Variants in RUNDC3B observed in about 807,000 individuals in gnomAD.
The protein encoded by RUNDC3B is RUN domain containing 3B.
A neutral mutation model predicts 58.4 loss-of-function variants in RUNDC3B; 33 were observed. The observed-to-expected ratio is 0.56, with a 90% CI of 0.43 to 0.75. RUNDC3B has a LOEUF of 0.75. Among genes scored for constraint, RUNDC3B ranks in the 30% least tolerant of loss-of-function variants. The probability of loss-of-function intolerance (pLI) is 0.00; values close to 1 mark genes in which losing one functional copy is unlikely to be tolerated. For synonymous variants in RUNDC3B, 193 were observed against 195.2 expected (o/e 0.99, Z 0.10); for missense variants, 501 against 535.7 (o/e 0.94, Z 0.64).
At chr7:87,693,070 A>G (rs17250255) in intron 2 of RUNDC3B, among the ~76,000 whole-genome samples, 4,789 of 152,212 alleles carry the variant, frequency 0.031, 73 homozygotes, top group Middle Eastern at 0.048. Flanking sequence ...ACCATGTACT[A>G]TTGGAGATTT....
chr7:87,653,756 A>G (rs573441365), intron 2 of RUNDC3B, among the ~76,000 whole-genome samples: 1 of 151,838 alleles, frequency 6.6e-6, no homozygotes, highest in South Asian at 2.1e-4. Context: ...CAGGTAAGGT[A>G]TTGCTAGTTT....
At chr7:87,701,636 C>T (rs1299985209) in intron 3 of RUNDC3B, among the ~76,000 whole-genome samples, 1 of 152,130 alleles carries the variant, frequency 6.6e-6, no homozygotes, top group Non-Finnish European at 1.5e-5. Flanking sequence ...ATTACAGAAA[C>T]TTACCATTTA....
chr7:87,778,029 A>G (rs1248929005), intron 8 of RUNDC3B, 74 bp downstream of exon 8: 1 of 1,292,412 alleles, frequency 7.7e-7, no homozygotes, highest in Non-Finnish European at 1.1e-6. Context: ...TTGATACAGG[A>G]GGCAAATTCC....
At chr7:87,684,468 G>C (rs1485451427) in intron 2 of RUNDC3B, among the ~76,000 whole-genome samples, 3 of 152,138 alleles carry the variant, frequency 2.0e-5, no homozygotes, top group Admixed American at 2.0e-4. Flanking sequence ...ATTGGTAAAA[G>C]CTTATACGTA....
At chr7:87,644,704 T>C (rs145319341) in intron 1 of RUNDC3B, among the ~76,000 whole-genome samples, 282 of 152,220 alleles carry the variant, frequency 1.9e-3, no homozygotes, top group African/African-American at 6.5e-3. Flanking sequence ...TAATATATGC[T>C]TGTTGTAAAG....
chr7:87,628,535 G>A lies in RUNDC3B; in HGVS notation c.-289G>A. The A allele has an allele frequency of 3.5e-6, 1 of 287,210 alleles. No homozygotes were observed. The highest frequency in any genetic ancestry group is 6.4e-6 in the Non-Finnish European group (1 of 155,616). 17.8% of individuals were successfully genotyped at this position (287,210 alleles called of 1,614,324 possible). On this transcript the variant is annotated 5_prime_UTR_variant, in exon 1 of 11. Transcript: ENST00000394654. ...GAGCGCCTGACGCCGACCCGCAGGC[G>A]CAGCCCGGCAGTCGGCGGCGCGCCG...
At chr7:87,708,330 A>G (rs1423968023) in intron 3 of RUNDC3B, among the ~76,000 whole-genome samples, 2 of 152,168 alleles carry the variant, frequency 1.3e-5, no homozygotes, top group African/African-American at 2.4e-5. Flanking sequence ...TCTCACAGAC[A>G]TTAAAAATCC....
At position 87,661,712 on chromosome 7, in the gene RUNDC3B, T is replaced by C. The variant is rs552915284; in HGVS notation, c.238+10775T>C. 9.9e-5 allele frequency among the ~76,000 whole-genome samples: 15 copies of C among 152,224 alleles called. 1 individual carries two copies. In the South Asian group the frequency reaches 1.9e-3, roughly 19 times the overall value. On this transcript the variant is annotated intron_variant, in intron 2 of 10. Transcript: ENST00000394654. ...ATTGTGAATAGTGCTGCAATAAACA[T>C]TGGAGTGCAGCTATCTCTTCAGTAT...
At chr7:87,735,372 G>A (rs1005771690) in intron 4 of RUNDC3B, among the ~76,000 whole-genome samples, 1 of 152,088 alleles carries the variant, frequency 6.6e-6, no homozygotes, top group Non-Finnish European at 1.5e-5. Context: ...TGACCTTCCA[G>A]TTTGCCCCCT....
intron 6 of RUNDC3B, among the ~76,000 whole-genome samples, chr7:87,754,746 A>G (rs1433384219): frequency 6.6e-6 from 1 of 152,094 alleles, no homozygotes; most frequent in Non-Finnish European, 1.5e-5. Flanking sequence ...GAAATGACAA[A>G]GGGGATGTTA....
At chr7:87,809,387 A>G (rs562211579) in intron 9 of RUNDC3B, among the ~76,000 whole-genome samples, 1 of 152,172 alleles carries the variant, frequency 6.6e-6, no homozygotes, top group Non-Finnish European at 1.5e-5. Context: ...AGATCACTTT[A>G]TCTAGAGTTT....
chr7:87,738,760 G>GT (rs376933343), intron 4 of RUNDC3B, among the ~76,000 whole-genome samples: 146 of 151,792 alleles, frequency 9.6e-4, no homozygotes, highest in African/African-American at 1.5e-3. Context: ...TAATTTATGG[G>GT]TTTTTTTGCA....
chr7:87,761,586 T>C (rs1833684270), intron 6 of RUNDC3B, among the ~76,000 whole-genome samples: 1 of 151,858 alleles, frequency 6.6e-6, no homozygotes, highest in Admixed American at 6.6e-5. Context: ...CACCAGTTGG[T>C]GAATAAATTT....
At chr7:87,699,539 G>A (rs966740752) in intron 2 of RUNDC3B, among the ~76,000 whole-genome samples, 1 of 152,146 alleles carries the variant, frequency 6.6e-6, no homozygotes, top group African/African-American at 2.4e-5. Flanking sequence ...TCAAGTAGCT[G>A]GGATTATGGG....
At chr7:87,818,547 A>G (rs944752049) in intron 10 of RUNDC3B, among the ~76,000 whole-genome samples, 1 of 152,230 alleles carries the variant, frequency 6.6e-6, no homozygotes, top group African/African-American at 2.4e-5. Flanking sequence ...TTGAATCAGC[A>G]TATCCTATAC....
At chr7:87,652,818 T>C (rs1187436088) in intron 2 of RUNDC3B, among the ~76,000 whole-genome samples, 1 of 151,962 alleles carries the variant, frequency 6.6e-6, no homozygotes, top group Non-Finnish European at 1.5e-5. Context: ...ACTTATGATT[T>C]AGTTACATAG....
intron 4 of RUNDC3B, among the ~76,000 whole-genome samples, chr7:87,718,546 A>G (rs1208531412): frequency 6.6e-6 from 1 of 152,152 alleles, no homozygotes; most frequent in Non-Finnish European, 1.5e-5. Context: ...AAGGATAGAA[A>G]TCAGGTCTGC....
chr7:87,669,555 G>T (rs2130508098), intron 2 of RUNDC3B, among the ~76,000 whole-genome samples: 1 of 152,202 alleles, frequency 6.6e-6, no homozygotes, highest in East Asian at 1.9e-4. Flanking sequence ...TTCTGTGATT[G>T]TTTTACAGTG....
intron 1 of RUNDC3B, among the ~76,000 whole-genome samples, chr7:87,633,303 T>C (rs2130212835): frequency 6.6e-6 from 1 of 152,332 alleles, no homozygotes; most frequent in South Asian, 2.1e-4. Flanking sequence ...ATATTTTGGA[T>C]GGATTGCTTT....
Sources: allele counts gnomAD v4.1 joint callset (sites outside exome capture counted in the v4.1 genomes callset), GRCh38; gene constraint gnomAD v4.1.1; transcripts MANE v1.5; gene names NCBI Gene and HGNC (gene_info 2026-07-23, HGNC 2026-07-21).